The following BABAM2 variants were observed in gnomAD, a reference collection of about 807,000 sequenced individuals.
BABAM2 encodes BRISC and BRCA1 A complex member 2.
Under a neutral mutation model 54.7 loss-of-function variants are expected in BABAM2, and 31 were observed. The observed-to-expected ratio is 0.57, with a 90% CI of 0.43 to 0.77. The LOEUF (loss-of-function observed/expected upper bound fraction) is 0.77. Ranked by LOEUF, BABAM2 falls within the 30% of genes least tolerant of loss-of-function variation. The pLI, the probability that BABAM2 is intolerant of heterozygous loss-of-function variation, is 0.00. For missense variants in BABAM2, 364 were observed against 455.8 expected (o/e 0.80, Z 1.83); for synonymous variants, 167 against 162.9 (o/e 1.03, Z -0.19).
At chr2:27,939,581 A>G (rs1418457991) in intron 3 of BABAM2, among the ~76,000 whole-genome samples, 1 of 152,224 alleles carries the variant, frequency 6.6e-6, no homozygotes, top group African/African-American at 2.4e-5. Context: ...TTATTATACA[A>G]GGAATTTGTA....
At position 28,244,675 on chromosome 2, in the gene BABAM2, A is replaced by G. The variant is rs1682753737; in HGVS notation, c.852-105A>G. On this transcript the variant is annotated intron_variant, in intron 9 of 11. Transcript: ENST00000379624. ...TTGCCTTAAACCCATCTCAAAGTCA[A>G]TAACCCTGACTTCACGAATATATTC... The G allele has an allele frequency of 3.7e-6, 4 of 1,075,418 alleles. No individual in the cohort carries two copies. The South Asian group carries it at 5.8e-5, about 15-fold the overall frequency. 66.6% of individuals were successfully genotyped at this position (1,075,418 alleles called of 1,614,324 possible). A position where few individuals can be genotyped will look rare whatever the true frequency, so the allele number is the denominator to read the frequency against.
At chr2:28,107,541 C>T (rs953444237) in intron 6 of BABAM2, among the ~76,000 whole-genome samples, 6 of 152,122 alleles carry the variant, frequency 3.9e-5, no homozygotes, top group South Asian at 2.1e-4. Flanking sequence ...TTTCCGTGTG[C>T]TGTCATCTCT....
intron 7 of BABAM2, among the ~76,000 whole-genome samples, chr2:28,223,313 C>G (rs1333336433): frequency 6.6e-6 from 1 of 152,244 alleles, no homozygotes; most frequent in Non-Finnish European, 1.5e-5. Flanking sequence ...GGGGAGCACA[C>G]TGCAGAGGGG....
At chr2:28,206,540 A>G (rs76050042) in intron 7 of BABAM2, among the ~76,000 whole-genome samples, 2,967 of 152,186 alleles carry the variant, frequency 0.019, 91 homozygotes, top group African/African-American at 0.068. Context: ...GATGTTACTG[A>G]CTGATGAGGT....
rs1690758636 is a variant in BABAM2, at chr2:28,329,426, G to A, written c.1089-9024G>A. ...GTGTGGGGCCCTGGGCTTGGTACTT[G>A]ATACACATTTCCATTCTCCTCACAA... On this transcript the variant is annotated intron_variant, in intron 11 of 11. Transcript: ENST00000379624. This position sits in a 1 kb window ranked among gnomAD's most constrained non-coding sequence, Gnocchi z 4.2. Among the ~76,000 whole-genome samples, 1 of 152,134 alleles carries A rather than the reference G, an allele frequency of 6.6e-6. No homozygotes were observed. The highest frequency in any genetic ancestry group is 2.4e-5 in the African/African-American group (1 of 41,412).
At chr2:28,163,430 G>A (rs1573723461) in intron 7 of BABAM2, among the ~76,000 whole-genome samples, 1 of 152,204 alleles carries the variant, frequency 6.6e-6, no homozygotes, top group East Asian at 1.9e-4. Flanking sequence ...ATGCCTAAGG[G>A]GAGAAAAAGA....
intron 8 of BABAM2, 82 bp from the exon 9 acceptor site, chr2:28,241,241 T>G: frequency 7.4e-7 from 1 of 1,353,792 alleles, no homozygotes; most frequent in East Asian, 2.4e-5. Context: ...TTCTTTCTGC[T>G]TCTCTGAATC....
chr2:28,232,631 A>T (rs772026334), intron 7 of BABAM2, among the ~76,000 whole-genome samples: 4 of 152,230 alleles, frequency 2.6e-5, no homozygotes, highest in Non-Finnish European at 5.9e-5. Context: ...ACTATACTGA[A>T]TACTACAGGC....
At chr2:27,967,394 G>A (rs889587813) in intron 3 of BABAM2, among the ~76,000 whole-genome samples, 15 of 152,246 alleles carry the variant, frequency 9.9e-5, no homozygotes, top group South Asian at 2.1e-4. Flanking sequence ...GACTTGCTCC[G>A]CCTTGCCTTC....
intron 6 of BABAM2, among the ~76,000 whole-genome samples, chr2:28,124,051 G>C (rs886473901): frequency 1.3e-5 from 2 of 152,172 alleles, no homozygotes; most frequent in Non-Finnish European, 2.9e-5. Flanking sequence ...GGTGGCCCCT[G>C]GTTCTTTGCA....
At chr2:27,907,450 T>A (rs982429986) in intron 2 of BABAM2, among the ~76,000 whole-genome samples, 2 of 152,190 alleles carry the variant, frequency 1.3e-5, no homozygotes. Flanking sequence ...AACATTATTT[T>A]AAAATTTTTG....
At chr2:28,233,723 C>T (rs1681638596) in intron 7 of BABAM2, among the ~76,000 whole-genome samples, 1 of 152,204 alleles carries the variant, frequency 6.6e-6, no homozygotes, top group South Asian at 2.1e-4. Context: ...GCCTAAAGTG[C>T]TTTGCACCTG....
chr2:28,203,818 G>A (rs1015433987), intron 7 of BABAM2, among the ~76,000 whole-genome samples: 4 of 152,104 alleles, frequency 2.6e-5, no homozygotes, highest in Non-Finnish European at 4.4e-5. Context: ...CATTCCCATG[G>A]TAATAAGCAG....
At chr2:28,067,177 C>T (rs1663677882) in intron 6 of BABAM2, among the ~76,000 whole-genome samples, 1 of 152,218 alleles carries the variant, frequency 6.6e-6, no homozygotes, top group African/African-American at 2.4e-5. Flanking sequence ...GGTGATCTGC[C>T]TGCCTCTGCC....
At chr2:27,916,663 T>G (rs904380604) in intron 2 of BABAM2, among the ~76,000 whole-genome samples, 18 of 152,222 alleles carry the variant, frequency 1.2e-4, no homozygotes, top group African/African-American at 3.4e-4. Flanking sequence ...TGCCTGTCTC[T>G]TAGGTTTTGC....
intron 4 of BABAM2, among the ~76,000 whole-genome samples, chr2:27,988,523 C>T (rs575617593): frequency 3.9e-5 from 6 of 152,148 alleles, no homozygotes; most frequent in East Asian, 1.9e-4. Flanking sequence ...GACTTGTATC[C>T]GCATTATCTC....
At chr2:28,206,801 C>A (rs1018867408) in intron 7 of BABAM2, among the ~76,000 whole-genome samples, 1 of 152,152 alleles carries the variant, frequency 6.6e-6, no homozygotes, top group African/African-American at 2.4e-5. Flanking sequence ...GTGATTTTGC[C>A]AGTGTTTACT....
intron 10 of BABAM2, among the ~76,000 whole-genome samples, chr2:28,278,189 C>G (rs1686041070): frequency 6.6e-6 from 1 of 152,132 alleles, no homozygotes; most frequent in African/African-American, 2.4e-5. Flanking sequence ...CAAAATATAT[C>G]CTATTACTGA....
At chr2:28,090,286 C>T (rs1558325587) in intron 6 of BABAM2, among the ~76,000 whole-genome samples, 1 of 152,118 alleles carries the variant, frequency 6.6e-6, no homozygotes, top group Non-Finnish European at 1.5e-5. Context: ...CGCTCCGTCG[C>T]CAGGCTGGAG....
Sources: allele counts gnomAD v4.1 joint callset (sites outside exome capture counted in the v4.1 genomes callset), GRCh38; gene constraint gnomAD v4.1.1; non-coding constraint Gnocchi (gnomAD v3.1); transcripts MANE v1.5; gene names NCBI Gene and HGNC (gene_info 2026-07-23, HGNC 2026-07-21).